The following LOC400499 variants were observed in gnomAD, a reference collection of about 807,000 sequenced individuals.
chr16:11,471,382 A>G, the LOC400499 span: 20 of 323,086 alleles, frequency 6.2e-5, no homozygotes, highest in African/African-American at 4.0e-4. Flanking sequence ...GCAAGTCACA[A>G]AAGAATATGA....
At chr16:11,397,302 T>C in the LOC400499 span, among the ~76,000 whole-genome samples, 1 of 152,112 alleles carries the variant, frequency 6.6e-6, no homozygotes, top group Non-Finnish European at 1.5e-5. Context: ...TGAGACAGAG[T>C]TATGCTCTGT....
At chr16:11,506,910 G>C in the LOC400499 span, among the ~76,000 whole-genome samples, 2 of 152,192 alleles carry the variant, frequency 1.3e-5, no homozygotes, top group Non-Finnish European at 2.9e-5. Context: ...GCACCGATGT[G>C]TCCCTGCAAA....
the LOC400499 span, among the ~76,000 whole-genome samples, chr16:11,496,917 T>C: frequency 1.3e-5 from 2 of 149,376 alleles, no homozygotes; most frequent in African/African-American, 5.1e-5. Flanking sequence ...TGTGTGTGTG[T>C]GTGTGTGTGT....
chr16:11,393,233 A>C, the LOC400499 span, among the ~76,000 whole-genome samples: 3 of 150,850 alleles, frequency 2.0e-5, no homozygotes, highest in Admixed American at 2.0e-4. Context: ...AGCTCAAGCA[A>C]TTCACCCATC....
the LOC400499 span, among the ~76,000 whole-genome samples, chr16:11,486,644 T>C: frequency 2.6e-5 from 1 of 37,972 alleles, no homozygotes. Flanking sequence ...GGTGGGTGGG[T>C]TGGATGAATG....
the LOC400499 span, among the ~76,000 whole-genome samples, chr16:11,415,212 A>G: frequency 0.48 from 72,265 of 152,060 alleles, 17,687 homozygotes; most frequent in African/African-American, 0.59. Flanking sequence ...TTTGGCTCAC[A>G]GTTAGGAGTT....
the LOC400499 span, among the ~76,000 whole-genome samples, chr16:11,389,365 G>A: frequency 6.6e-6 from 1 of 152,142 alleles, no homozygotes; most frequent in South Asian, 2.1e-4. Flanking sequence ...CAAGTAAGAA[G>A]GGTTTTTGTG....
the LOC400499 span, chr16:11,462,414 T>C: frequency 7.6e-7 from 1 of 1,315,246 alleles, no homozygotes; most frequent in Non-Finnish European, 9.7e-7. Flanking sequence ...AACAACCTTC[T>C]ACACCGATCC....
At chr16:11,519,918 G>A in the LOC400499 span, among the ~76,000 whole-genome samples, 81 of 152,136 alleles carry the variant, frequency 5.3e-4, no homozygotes, top group African/African-American at 1.8e-3. Flanking sequence ...GGTCAGGCTG[G>A]TCTCGAACTC....
chr16:11,465,697 C>T, the LOC400499 span, among the ~76,000 whole-genome samples: 3 of 151,584 alleles, frequency 2.0e-5, no homozygotes, highest in Admixed American at 6.6e-5. Flanking sequence ...CGCTTGAGCC[C>T]AGGGGTTTGA....
chr16:11,496,467 C>G, the LOC400499 span, among the ~76,000 whole-genome samples: 1 of 152,116 alleles, frequency 6.6e-6, no homozygotes, highest in Non-Finnish European at 1.5e-5. Context: ...ACATAAGCAT[C>G]TGTGTGTGTG....
the LOC400499 span, among the ~76,000 whole-genome samples, chr16:11,464,148 G>A: frequency 2.2e-5 from 2 of 91,640 alleles, no homozygotes; most frequent in African/African-American, 9.1e-5. Flanking sequence ...ACGTGTGTAT[G>A]ATGTGTATGT....
At chr16:11,486,065 T>C in the LOC400499 span, among the ~76,000 whole-genome samples, 1 of 148,958 alleles carries the variant, frequency 6.7e-6, no homozygotes, top group Admixed American at 6.7e-5. Flanking sequence ...GATGGATGTA[T>C]GGATGGATGG....
chr16:11,478,821 G>C, the LOC400499 span: 1 of 397,410 alleles, frequency 2.5e-6, no homozygotes, highest in South Asian at 1.4e-4. Context: ...CCCTATGGGA[G>C]ATGACTGAAT....
At chr16:11,472,428 GGT>G in the LOC400499 span, 2 of 151,876 alleles carry the variant, frequency 1.3e-5, no homozygotes, top group Non-Finnish European at 2.9e-5. Flanking sequence ...CCTGACCTCA[GGT>G]GATCTGCCTG....
the LOC400499 span, among the ~76,000 whole-genome samples, chr16:11,463,270 G>A: frequency 0.028 from 314 of 11,262 alleles, 8 homozygotes; most frequent in African/African-American, 0.11. Flanking sequence ...ACGCCCCCCT[G>A]ATGGCCACCA....
the LOC400499 span, chr16:11,392,177 T>A: frequency 0.52 from 205,677 of 398,872 alleles, 56,494 homozygotes; most frequent in Admixed American, 0.64. Flanking sequence ...CAGCAGCAGG[T>A]GTGGGCCTCA....
chr16:11,442,424 T>C, the LOC400499 span: 1 of 152,136 alleles, frequency 6.6e-6, no homozygotes, highest in Admixed American at 6.6e-5. Flanking sequence ...GGTTTCACCA[T>C]GTTGGTCAGG....
chr16:11,440,092 G>C, the LOC400499 span, among the ~76,000 whole-genome samples: 1 of 152,092 alleles, frequency 6.6e-6, no homozygotes, highest in Non-Finnish European at 1.5e-5. Flanking sequence ...CCACTAGATT[G>C]AAAGCTCCTC....
Sources: gnomAD v4.1 joint callset for allele counts (sites outside exome capture counted in the v4.1 genomes callset) on GRCh38, gnomAD v4.1.1 for gene constraint, MANE v1.5 for transcripts.